The following GPC5 variants were observed in gnomAD, a reference collection of about 807,000 sequenced individuals.
GPC5 encodes glypican-5.
A neutral mutation model predicts 53.9 loss-of-function variants in GPC5; 47 were observed. The ratio of observed to expected loss-of-function variants is 0.87; its 90% CI spans 0.69 to 1.11. The LOEUF (loss-of-function observed/expected upper bound fraction) is 1.11. GPC5 is among the 50% of genes most tolerant of loss of function. GPC5 has a pLI of 0.00. For missense variants in GPC5, 748 were observed against 713.1 expected (o/e 1.05, Z -0.56); for synonymous variants, 286 against 263.3 (o/e 1.09, Z -0.84).
intron 6 of GPC5, among the ~76,000 whole-genome samples, chr13:92,002,643 T>C (rs1243623736): frequency 6.6e-6 from 1 of 152,140 alleles, no homozygotes; most frequent in Non-Finnish European, 1.5e-5. Context: ...AGAATTAAAG[T>C]ACCAATTCAA....
intron 6 of GPC5, among the ~76,000 whole-genome samples, chr13:92,100,662 A>G (rs776006296): frequency 9.2e-5 from 14 of 152,174 alleles, no homozygotes; most frequent in African/African-American, 1.4e-4. Context: ...TGCTACTTGA[A>G]TTGGCATTTT....
At chr13:92,314,113 C>T (rs1406714481) in intron 7 of GPC5, among the ~76,000 whole-genome samples, 1 of 152,076 alleles carries the variant, frequency 6.6e-6, no homozygotes, top group African/African-American at 2.4e-5. Flanking sequence ...AGAATTATAT[C>T]ACATGTCATA....
At chr13:92,286,993 G>C (rs1300877483) in intron 7 of GPC5, among the ~76,000 whole-genome samples, 1 of 152,166 alleles carries the variant, frequency 6.6e-6, no homozygotes, top group African/African-American at 2.4e-5. Context: ...GAGGCCCTCA[G>C]AAGAAACCAA....
chr13:91,678,267 T>A (rs1175195068), intron 2 of GPC5, among the ~76,000 whole-genome samples: 1 of 152,194 alleles, frequency 6.6e-6, no homozygotes, highest in African/African-American at 2.4e-5. Flanking sequence ...ATGCTTAGGA[T>A]GCGGTAAAAT....
At chr13:92,268,134 T>A (rs988482301) in intron 7 of GPC5, among the ~76,000 whole-genome samples, 1 of 152,014 alleles carries the variant, frequency 6.6e-6, no homozygotes, top group African/African-American at 2.4e-5. Flanking sequence ...AAATCGCAAA[T>A]GATTCTTACT....
intron 6 of GPC5, among the ~76,000 whole-genome samples, chr13:92,139,693 A>G (rs912240003): frequency 2.7e-5 from 4 of 148,218 alleles, no homozygotes; most frequent in African/African-American, 7.6e-5. Flanking sequence ...AAAGTGTTAT[A>G]TTTAGAATAT....
intron 7 of GPC5, among the ~76,000 whole-genome samples, chr13:92,157,435 G>A (rs1402089185): frequency 6.6e-6 from 1 of 152,098 alleles, no homozygotes; most frequent in African/African-American, 2.4e-5. Context: ...TGAAAGTTAG[G>A]CTGCTTCCCT....
At chr13:91,468,496 A>G (rs771281727) in intron 2 of GPC5, among the ~76,000 whole-genome samples, 2 of 152,156 alleles carry the variant, frequency 1.3e-5, no homozygotes, top group South Asian at 2.1e-4. Context: ...AGAAATATGT[A>G]CAGAGGAAAG....
intron 7 of GPC5, among the ~76,000 whole-genome samples, chr13:92,856,797 A>T (rs531901255): frequency 1.3e-5 from 2 of 152,202 alleles, no homozygotes; most frequent in Non-Finnish European, 2.9e-5. Context: ...TCTCTACAAG[A>T]AGAACTACAA....
intron 7 of GPC5, chr13:92,340,744 C>T (rs912826220): frequency 3.3e-5 from 5 of 151,944 alleles, no homozygotes; most frequent in Non-Finnish European, 7.4e-5. Context: ...ATAAAATAAA[C>T]CACTGCTGTA....
chr13:92,579,576 G>T (rs1385872579), intron 7 of GPC5, among the ~76,000 whole-genome samples: 1 of 151,934 alleles, frequency 6.6e-6, no homozygotes, highest in Non-Finnish European at 1.5e-5. Context: ...GGACTATTGT[G>T]TGTGCTACCA....
At chr13:91,602,379 T>C (rs1195208044) in intron 2 of GPC5, among the ~76,000 whole-genome samples, 1 of 152,252 alleles carries the variant, frequency 6.6e-6, no homozygotes, top group African/African-American at 2.4e-5. Flanking sequence ...ACCCAGTGAT[T>C]AGAGCACAGG....
At chr13:92,787,534 G>A (rs1264557200) in intron 7 of GPC5, among the ~76,000 whole-genome samples, 2 of 151,518 alleles carry the variant, frequency 1.3e-5, no homozygotes, top group Non-Finnish European at 2.9e-5. Context: ...AAGTAAAGTA[G>A]AATACAGGTA....
intron 7 of GPC5, among the ~76,000 whole-genome samples, chr13:92,307,232 CA>C (rs1434036428): frequency 6.6e-6 from 1 of 152,066 alleles, no homozygotes; most frequent in Non-Finnish European, 1.5e-5. Flanking sequence ...ATATATTTTT[CA>C]GTTTAAGAAA....
chr13:92,670,496 T>C (rs561898190), intron 7 of GPC5, among the ~76,000 whole-genome samples: 3 of 152,236 alleles, frequency 2.0e-5, no homozygotes, highest in Non-Finnish European at 4.4e-5. Flanking sequence ...TCCAGAACTA[T>C]ATATCAGCCA....
At chr13:91,569,878 A>T (rs1455748963) in intron 2 of GPC5, among the ~76,000 whole-genome samples, 1 of 152,164 alleles carries the variant, frequency 6.6e-6, no homozygotes, top group Non-Finnish European at 1.5e-5. Flanking sequence ...TGGCTTCTTG[A>T]TCTTGAACTT....
rs140676348 is a variant in GPC5 at position 91,945,449 on chromosome 13, A to G, written c.1401+37392A>G. Among the ~76,000 whole-genome samples the G allele has an allele frequency of 4.8e-3, 731 of 152,244 alleles. 5 individuals carry two copies. The highest frequency in any genetic ancestry group is 0.01 in the Middle Eastern group (3 of 294). Reference sequence around the variant, plus strand: ...TTTATGTTGGAATGTATAAGTGTTCATTCCTATTTTCATCTGTTTTGTAGC... The same window carrying G: ...TTTATGTTGGAATGTATAAGTGTTCGTTCCTATTTTCATCTGTTTTGTAGC... On this transcript the variant is annotated intron_variant, in intron 6 of 7. Coordinates refer to ENST00000377067, the MANE Select transcript of GPC5 (RefSeq NM_004466.6).
intron 7 of GPC5, among the ~76,000 whole-genome samples, chr13:92,499,161 G>A (rs750065095): frequency 1.3e-5 from 2 of 152,048 alleles, no homozygotes; most frequent in Non-Finnish European, 2.9e-5. Flanking sequence ...ACCAACAGAC[G>A]TCCCTTTTAT....
At chr13:92,779,126 A>T (rs1380127035) in intron 7 of GPC5, among the ~76,000 whole-genome samples, 1 of 152,156 alleles carries the variant, frequency 6.6e-6, no homozygotes, top group East Asian at 1.9e-4. Context: ...AGGCCTCACA[A>T]TCACAGCAGA....
Sources: gnomAD v4.1 joint callset for allele counts (sites outside exome capture counted in the v4.1 genomes callset) on GRCh38, gnomAD v4.1.1 for gene constraint, MANE v1.5 for transcripts, NCBI Gene and HGNC (gene_info 2026-07-23, HGNC 2026-07-21) for gene names.